Variants in ANKIB1 observed in about 807,000 individuals in gnomAD.
ANKIB1 encodes ankyrin repeat and IBR domain-containing protein 1.
A neutral mutation model predicts 122.1 loss-of-function variants in ANKIB1; 43 were observed. The observed-to-expected ratio is 0.35, with a 90% confidence interval of 0.28 to 0.45. ANKIB1 has a LOEUF of 0.45. Among genes scored for constraint, ANKIB1 ranks in the 20% least tolerant of loss-of-function variants. The probability of loss-of-function intolerance (pLI) is 1.00; values close to 1 mark genes in which losing one functional copy is unlikely to be tolerated. For synonymous variants in ANKIB1, 390 were observed against 442.0 expected, an observed-to-expected ratio of 0.88 and a Z score of 1.48; for missense variants, 992 against 1,329.5, an observed-to-expected ratio of 0.75 and a Z score of 3.95.
intron 1 of ANKIB1, among the ~76,000 whole-genome samples, chr7:92,271,179 T>C (rs1189067023): frequency 2.0e-5 from 3 of 152,116 alleles, no homozygotes; most frequent in Admixed American, 6.5e-5. Flanking sequence ...TTTTTCCCCA[T>C]GTGGATGTCT....
intron 1 of ANKIB1, among the ~76,000 whole-genome samples, chr7:92,261,257 G>A (rs1278062449): frequency 2.0e-5 from 3 of 150,438 alleles, no homozygotes; most frequent in Non-Finnish European, 4.4e-5. Context: ...GCTGAGGCAG[G>A]AGAATGGCGT....
At chr7:92,322,693 G>A (rs1172763373) in intron 4 of ANKIB1, among the ~76,000 whole-genome samples, 1 of 151,972 alleles carries the variant, frequency 6.6e-6, no homozygotes, top group Non-Finnish European at 1.5e-5. Flanking sequence ...TCTCTCCTAA[G>A]TCAGAACATA....
At chr7:92,271,946 T>C (rs1228242944) in intron 1 of ANKIB1, among the ~76,000 whole-genome samples, 1 of 152,144 alleles carries the variant, frequency 6.6e-6, no homozygotes, top group Non-Finnish European at 1.5e-5. Flanking sequence ...GATTTCCATA[T>C]TAGAAAAGTG....
intron 4 of ANKIB1, among the ~76,000 whole-genome samples, chr7:92,321,904 T>C (rs1220880649): frequency 6.6e-6 from 1 of 152,240 alleles, no homozygotes; most frequent in Non-Finnish European, 1.5e-5. Context: ...AGCGTTTTGC[T>C]GGCCCTTCAC....
chr7:92,259,342 T>C (rs886435144), intron 1 of ANKIB1, among the ~76,000 whole-genome samples: 13 of 152,236 alleles, frequency 8.5e-5, no homozygotes, highest in Non-Finnish European at 1.8e-4. Context: ...ACTTTCTCCA[T>C]GGTTCTTACC....
chr7:92,372,966 A>G (rs1425260439), intron 11 of ANKIB1, among the ~76,000 whole-genome samples: 2 of 152,134 alleles, frequency 1.3e-5, no homozygotes, highest in Non-Finnish European at 2.9e-5. Context: ...TCTTCTAGGT[A>G]TTACTTGATT....
intron 9 of ANKIB1, among the ~76,000 whole-genome samples, chr7:92,360,896 G>A (rs1803928644): frequency 1.3e-5 from 2 of 151,598 alleles, no homozygotes; most frequent in Admixed American, 1.3e-4. Flanking sequence ...ATGGGGTCTT[G>A]CTCTGTTGCC....
At chr7:92,299,822 T>TC (rs1554337484) in intron 2 of ANKIB1, among the ~76,000 whole-genome samples, 1 of 152,190 alleles carries the variant, frequency 6.6e-6, no homozygotes, top group African/African-American at 2.4e-5. Context: ...TGTTTTTTTT[T>TC]CTGAGACAGG....
chr7:92,373,906 T>G (rs745634682), intron 11 of ANKIB1, among the ~76,000 whole-genome samples: 7 of 152,242 alleles, frequency 4.6e-5, no homozygotes, highest in Admixed American at 4.6e-4. Context: ...CATTCTTAAA[T>G]ATTTTAAATC....
In ANKIB1 at chr7:92,305,053, T is replaced by C. The variant is rs377648239; in HGVS notation, c.189-2306T>C. ...AATTTTCTATTGTATATCAGATTTA[T>C]GTTTCCCATTTCTATTATTAAACGC... On this transcript the variant is annotated intron_variant, in intron 2 of 19. Coordinates refer to ENST00000265742, the MANE Select transcript of ANKIB1 (RefSeq NM_019004.2). Among the ~76,000 whole-genome samples, 48 of 152,348 alleles carry C rather than the reference T, an allele frequency of 3.2e-4. 1 individual carries two copies. Among genetic ancestry groups the C allele is most frequent in the African/African-American group, 9.9e-4 (41 of 41,582 alleles).
chr7:92,385,834 A>G (rs1585138269), intron 11 of ANKIB1, among the ~76,000 whole-genome samples: 1 of 152,144 alleles, frequency 6.6e-6, no homozygotes, highest in Non-Finnish European at 1.5e-5. Context: ...TACATATGTG[A>G]CAAGCCTGCA....
chr7:92,319,124 A>G (rs1256068149), intron 3 of ANKIB1, among the ~76,000 whole-genome samples: 2 of 152,034 alleles, frequency 1.3e-5, no homozygotes, highest in Non-Finnish European at 2.9e-5. Flanking sequence ...GAAGTCATTC[A>G]TTACTGAAAA....
At chr7:92,338,429 AAAAATT>A in intron 5 of ANKIB1, among the ~76,000 whole-genome samples, 1 of 149,728 alleles carries the variant, frequency 6.7e-6, no homozygotes, top group South Asian at 2.1e-4. Flanking sequence ...AAAAAAAAAT[AAAAATT>A]AAAAAAAGAT....
At chr7:92,364,496 C>CA (rs1804027858) in intron 10 of ANKIB1, among the ~76,000 whole-genome samples, 5 of 151,974 alleles carry the variant, frequency 3.3e-5, no homozygotes, top group Admixed American at 6.6e-5. Context: ...TTAGATGTGA[C>CA]AAAACAATTG....
chr7:92,261,878 T>C (rs17756839), intron 1 of ANKIB1, among the ~76,000 whole-genome samples: 15,443 of 152,210 alleles, frequency 0.1, 978 homozygotes, highest in Middle Eastern at 0.22. Context: ...GTCCTAACTT[T>C]TCTATTTGAA....
chr7:92,286,916 C>A (rs1026344282), intron 1 of ANKIB1, among the ~76,000 whole-genome samples: 5 of 152,192 alleles, frequency 3.3e-5, no homozygotes, highest in African/African-American at 9.7e-5. Context: ...TTCTCAACAC[C>A]TCTGTTGCTA....
intron 2 of ANKIB1, among the ~76,000 whole-genome samples, chr7:92,304,751 C>T (rs375765661): frequency 6.6e-6 from 1 of 151,838 alleles, no homozygotes; most frequent in Non-Finnish European, 1.5e-5. Flanking sequence ...TTTGGCTATC[C>T]ACTATAATTC....
At position 92,307,449 on chromosome 7, in the gene ANKIB1, G is replaced by A; in HGVS notation, c.279G>A (p.Met93Ile). 6.2e-7 allele frequency: 1 copy of A among 1,613,920 alleles called. No homozygotes were observed. ...TGTTGTGTATGGGACCTCAAATTAT[G>A]ATATCTGAAGGAGCCCTTCATCCTC... ...MHLLCMGPQI[M>I]ISEGALHPRL... The change falls in exon 3 of 20, where the codon ATG becomes ATA. Residue 93 changes from methionine to isoleucine, a missense_variant. Met to Ile is a conservative substitution (Grantham distance 10). Transcript: ENST00000265742.
chr7:92,307,724 G>GTTT (rs201863693), intron 3 of ANKIB1, 68 bp downstream of exon 3: 185 of 934,906 alleles, frequency 2.0e-4, no homozygotes, highest in East Asian at 6.0e-4. Context: ...TAACTGTCAG[G>GTTT]TTTTTTTTTT....
Sources: allele counts gnomAD v4.1 joint callset (sites outside exome capture counted in the v4.1 genomes callset), GRCh38; gene constraint gnomAD v4.1.1; transcripts MANE v1.5; gene names NCBI Gene and HGNC (gene_info 2026-07-23, HGNC 2026-07-21).